The following TSGA10 variants were observed in gnomAD, a reference collection of about 807,000 sequenced individuals.
TSGA10 encodes the protein testis specific 10, also known as testis-specific gene 10 protein.
TSGA10 carries 43 observed loss-of-function variants against 96.6 expected under a neutral mutation model. The observed-to-expected ratio is 0.44, with a 90% CI of 0.35 to 0.57. The LOEUF (loss-of-function observed/expected upper bound fraction) is 0.57, where lower values mean the gene tolerates loss of function less well. Ranked by LOEUF, TSGA10 falls within the 20% of genes least tolerant of loss-of-function variation. The pLI, the probability that TSGA10 is intolerant of heterozygous loss-of-function variation, is 0.01. For missense variants in TSGA10, 703 were observed against 834.4 expected (o/e 0.84, Z 1.94); for synonymous variants, 229 against 269.9 (o/e 0.85, Z 1.48).
intron 1 of TSGA10, among the ~76,000 whole-genome samples, chr2:99,132,392 T>C (rs2105035408): frequency 6.6e-6 from 1 of 152,218 alleles, no homozygotes; most frequent in East Asian, 1.9e-4. Context: ...CCATTTCTTC[T>C]AGATTTTCTA....
chr2:99,133,883 CT>C (rs2093215001), intron 1 of TSGA10, among the ~76,000 whole-genome samples: 1 of 151,986 alleles, frequency 6.6e-6, no homozygotes, highest in African/African-American at 2.4e-5. Flanking sequence ...GTTGAAAATT[CT>C]TTTCTTTAAG....
chr2:99,005,111 C>G (rs1263567112), intron 20 of TSGA10, among the ~76,000 whole-genome samples: 1 of 152,154 alleles, frequency 6.6e-6, no homozygotes, highest in Non-Finnish European at 1.5e-5. Context: ...GCTAAAAACT[C>G]TCAATAAATT....
At chr2:99,001,115 G>C (rs551360008) in intron 20 of TSGA10, among the ~76,000 whole-genome samples, 151 of 152,340 alleles carry the variant, frequency 9.9e-4, no homozygotes, top group Non-Finnish European at 1.9e-3. Flanking sequence ...GCTTTGAAGA[G>C]AGCAGTGGTT....
intron 15 of TSGA10, among the ~76,000 whole-genome samples, chr2:99,066,358 G>A (rs2085264438): frequency 1.3e-5 from 2 of 152,192 alleles, no homozygotes; most frequent in Admixed American, 1.3e-4. Context: ...TGTGTACAGA[G>A]TATGTACTTG....
At chr2:99,100,549 G>A (rs1195845200) in intron 10 of TSGA10, among the ~76,000 whole-genome samples, 2 of 151,990 alleles carry the variant, frequency 1.3e-5, no homozygotes, top group African/African-American at 2.4e-5. Context: ...GGCCGGGTGC[G>A]GTGGCTCACG....
chr2:99,024,006 G>A (rs1464393452), intron 17 of TSGA10, among the ~76,000 whole-genome samples: 1 of 152,092 alleles, frequency 6.6e-6, no homozygotes, highest in African/African-American at 2.4e-5. Flanking sequence ...TAAGTGTTCT[G>A]GCCCATGAAC....
chr2:99,011,018 G>T (rs865888908), intron 20 of TSGA10, among the ~76,000 whole-genome samples: 12 of 152,110 alleles, frequency 7.9e-5, no homozygotes, highest in African/African-American at 2.9e-4. Flanking sequence ...TAAGCCCATT[G>T]GCCTGAGAAC....
intron 17 of TSGA10, 86 bp downstream of exon 17, chr2:99,035,144 T>C (rs951231884): frequency 3.2e-6 from 3 of 943,136 alleles, no homozygotes; most frequent in Non-Finnish European, 4.7e-6. Flanking sequence ...TCATGTAATA[T>C]TACATAAAAA....
chr2:99,063,242 T>C (rs2084894911), intron 16 of TSGA10, among the ~76,000 whole-genome samples: 2 of 152,172 alleles, frequency 1.3e-5, no homozygotes, highest in Non-Finnish European at 2.9e-5. Flanking sequence ...ATGGCAAAAT[T>C]TCACATACTT....
At chr2:99,118,984 C>T (rs2092432144) in intron 2 of TSGA10, among the ~76,000 whole-genome samples, 1 of 151,888 alleles carries the variant, frequency 6.6e-6, no homozygotes, top group Non-Finnish European at 1.5e-5. Flanking sequence ...TTAAAAACAA[C>T]AGCAACAAAA....
intron 19 of TSGA10, 64 bp from the exon 20 acceptor site, chr2:99,018,413 C>T (rs952156670): frequency 6.3e-7 from 1 of 1,591,362 alleles, no homozygotes; most frequent in African/African-American, 1.3e-5. Context: ...TATCATAAAA[C>T]TAGCTCAATT....
At chr2:99,054,108 ACTAC>A (rs1168495735) in intron 16 of TSGA10, among the ~76,000 whole-genome samples, 2 of 152,196 alleles carry the variant, frequency 1.3e-5, no homozygotes, top group East Asian at 3.9e-4. Context: ...GAGGCATCAC[ACTAC>A]CTGATTTCAA....
intron 20 of TSGA10, among the ~76,000 whole-genome samples, chr2:99,014,821 C>T (rs558469429): frequency 3.3e-4 from 50 of 152,074 alleles, no homozygotes; most frequent in Non-Finnish European, 5.0e-4. Flanking sequence ...ACAACCAATA[C>T]CACAGAAATA....
chr2:99,059,078 T>TATATATATATA (rs2084351134), intron 16 of TSGA10, among the ~76,000 whole-genome samples: 2 of 140,594 alleles, frequency 1.4e-5, no homozygotes, highest in African/African-American at 5.2e-5. Flanking sequence ...ATTTATATAT[T>TATATATATATA]TTTATATATA....
At chr2:99,000,925 G>T (rs1458837287) in intron 20 of TSGA10, among the ~76,000 whole-genome samples, 1 of 152,186 alleles carries the variant, frequency 6.6e-6, no homozygotes, top group Admixed American at 6.5e-5. Context: ...TGGGAGAGGG[G>T]CATCCACCAT....
At chr2:99,033,877 C>T (rs777539294) in intron 17 of TSGA10, among the ~76,000 whole-genome samples, 21 of 152,000 alleles carry the variant, frequency 1.4e-4, no homozygotes, top group Non-Finnish European at 7.4e-5. Context: ...ATGGGGGCAA[C>T]GAGTGAACAC....
intron 20 of TSGA10, among the ~76,000 whole-genome samples, chr2:98,998,597 T>C (rs1336598735): frequency 6.6e-6 from 1 of 152,180 alleles, no homozygotes; most frequent in Non-Finnish European, 1.5e-5. Flanking sequence ...GGGCTACAAC[T>C]ATAAATAGGC....
At chr2:99,016,283 G>A (rs970955971) in intron 20 of TSGA10, among the ~76,000 whole-genome samples, 6 of 152,154 alleles carry the variant, frequency 3.9e-5, no homozygotes, top group Admixed American at 3.3e-4. Context: ...GCATGGTACT[G>A]ATATAAAAAT....
chr2:99,027,791 CTTTT>C (rs757563660), intron 17 of TSGA10, among the ~76,000 whole-genome samples: 1 of 152,086 alleles, frequency 6.6e-6, no homozygotes, highest in Non-Finnish European at 1.5e-5. Flanking sequence ...AAGACAGTTT[CTTTT>C]GTTTGCTTTA....
Sources: gnomAD v4.1 joint callset for allele counts (sites outside exome capture counted in the v4.1 genomes callset) on GRCh38, gnomAD v4.1.1 for gene constraint, MANE v1.5 for transcripts, NCBI Gene and HGNC (gene_info 2026-07-23, HGNC 2026-07-21) for gene names.